NALCN: variants seen among roughly 807,000 people sequenced by gnomAD.
NALCN encodes the protein sodium leak channel, non-selective.
In NALCN, 111 loss-of-function variants were observed where a neutral mutation model predicts 225.3. The observed-to-expected ratio is 0.49, with a 90% CI of 0.42 to 0.58. The LOEUF (loss-of-function observed/expected upper bound fraction) is 0.58, where lower values mean the gene tolerates loss of function less well. Ranked by LOEUF, NALCN falls within the 20% of genes least tolerant of loss-of-function variation. NALCN has a pLI of 0.00. For synonymous variants in NALCN, 764 were observed against 769.0 expected (o/e 0.99, Z 0.11); for missense variants, 1,378 against 2,202.4 (o/e 0.63, Z 7.49).
At chr13:101,216,272 C>T (rs1388122967) in intron 13 of NALCN, among the ~76,000 whole-genome samples, 1 of 151,992 alleles carries the variant, frequency 6.6e-6, no homozygotes, top group African/African-American at 2.4e-5. Flanking sequence ...AGAAATAGTA[C>T]AGAATGAGAC....
chr13:101,325,655 G>A (rs1299236439), intron 7 of NALCN, among the ~76,000 whole-genome samples: 3 of 152,074 alleles, frequency 2.0e-5, no homozygotes, highest in Admixed American at 2.0e-4. Flanking sequence ...CTTTCTTACG[G>A]CTGATATCCG....
chr13:101,182,904 A>G (rs777126673), intron 14 of NALCN, among the ~76,000 whole-genome samples: 4 of 152,244 alleles, frequency 2.6e-5, no homozygotes, highest in Non-Finnish European at 5.9e-5. Flanking sequence ...AAGTGAAGGA[A>G]GAATGGCAGC....
chr13:101,111,083 CT>C (rs1361452974), intron 19 of NALCN, 41 bp downstream of exon 19: 2 of 1,575,400 alleles, frequency 1.3e-6, no homozygotes, highest in Non-Finnish European at 8.7e-7. Context: ...TAAAACCCCC[CT>C]TTTTTAGAGT....
In NALCN at chr13:101,089,579, G is replaced by A. The variant is rs2034111658; in HGVS notation, c.3489+84C>T. Reference sequence around the variant, plus strand: ...ACATTACAGTTTAAAGCGGCTTCACGCCGCGTGTGAAAAGAAACAAATAGC... The same window carrying A: ...ACATTACAGTTTAAAGCGGCTTCACACCGCGTGTGAAAAGAAACAAATAGC... On this transcript the variant is annotated intron_variant, in intron 30 of 43. Transcript: ENST00000251127. This position sits in a 1 kb window ranked among gnomAD's most constrained non-coding sequence, Gnocchi z 4.7. The A allele has an allele frequency of 8.1e-7, 1 of 1,227,176 alleles. No individual in the cohort carries two copies. The highest frequency in any genetic ancestry group is 1.2e-6 in the Non-Finnish European group (1 of 851,668). 76.0% of individuals were successfully genotyped at this position (1,227,176 alleles called of 1,614,324 possible).
chr13:101,143,269 G>C, intron 16 of NALCN, 48 bp from the exon 17 acceptor site: 1 of 1,526,214 alleles, frequency 6.6e-7, no homozygotes, highest in Non-Finnish European at 8.8e-7. Flanking sequence ...GTGGAAGGGA[G>C]CAAGTGACAG....
At chr13:101,327,141 G>A (rs1053903769) in intron 7 of NALCN, among the ~76,000 whole-genome samples, 1 of 152,152 alleles carries the variant, frequency 6.6e-6, no homozygotes, top group African/African-American at 2.4e-5. Context: ...TATGTGTCCA[G>A]AGAAGCGACG....
rs535953506 is a variant in NALCN at position 101,224,688 on chromosome 13, G to A, written c.1626+4705C>T. On this transcript the variant is annotated intron_variant, in intron 13 of 43. Transcript: ENST00000251127. ...AGGAGCTTCCTTTTTTGAGAGAGCC[G>A]ACACCCTGTTCAGAGATTATTTCAC... Among the ~76,000 whole-genome samples the A allele has an allele frequency of 2.9e-3, 447 of 151,974 alleles. 3 individuals carry two copies. Among genetic ancestry groups the A allele is most frequent in the African/African-American group, 8.9e-3 (367 of 41,426 alleles).
Position 101,055,362 on chromosome 13 carries a change from T to TTAAC in NALCN, c.5146_5149dup (p.Lys1717SerfsTer2), listed in dbSNP as rs2031083347. 6.2e-7 allele frequency: 1 copy of TTAAC among 1,614,020 alleles called. No homozygotes were observed. The highest frequency in any genetic ancestry group is 8.5e-7 in the Non-Finnish European group (1 of 1,180,028). On this transcript the variant is annotated stop_gained and frameshift_variant, in exon 44 of 44. Coordinates refer to ENST00000251127, the MANE Select transcript of NALCN (RefSeq NM_052867.4). LOFTEE classifies it high-confidence loss of function. The stretch of plus-strand genomic sequence containing the variant: ...AGTCAGCTGCCGGGTCCACCACTTC[T>TTAAC]TAACTTCAGAACCGCAGGAAGCCGC...
At position 101,160,200 on chromosome 13, in the gene NALCN, C is replaced by T. The variant is rs536183683; in HGVS notation, c.1840-15304G>A. 2.4e-4 allele frequency among the ~76,000 whole-genome samples: 36 copies of T among 152,198 alleles called. 1 individual carries two copies. Among genetic ancestry groups the T allele is most frequent in the African/African-American group, 6.5e-4 (27 of 41,524 alleles). On this transcript the variant is annotated intron_variant, in intron 15 of 43. Transcript: ENST00000251127. Reference sequence around the variant, plus strand: ...CGATCTCCTGACCTTGTGATCTGCCCGCCTTGGCCTCCCAAAGGAGAGAGA... The same window carrying T: ...CGATCTCCTGACCTTGTGATCTGCCTGCCTTGGCCTCCCAAAGGAGAGAGA...
chr13:101,225,659 T>C (rs577066817), intron 13 of NALCN, among the ~76,000 whole-genome samples: 4 of 152,344 alleles, frequency 2.6e-5, no homozygotes, highest in African/African-American at 9.6e-5. Context: ...AAAGGGGGTC[T>C]CTGCCTCTCA....
intron 6 of NALCN, among the ~76,000 whole-genome samples, chr13:101,364,369 TAC>T (rs1359575281): frequency 6.6e-6 from 1 of 152,038 alleles, no homozygotes; most frequent in Admixed American, 6.6e-5. Context: ...TATGTATATA[TAC>T]ACACACACAG....
chr13:101,218,260 G>A (rs1362812630), intron 13 of NALCN, among the ~76,000 whole-genome samples: 2 of 152,146 alleles, frequency 1.3e-5, no homozygotes, highest in Non-Finnish European at 2.9e-5. Flanking sequence ...CATGGAGAAG[G>A]TCACTGTATG....
At chr13:101,397,094 A>AT (rs2047323242) in intron 2 of NALCN, among the ~76,000 whole-genome samples, 1 of 69,056 alleles carries the variant, frequency 1.4e-5, no homozygotes, top group Admixed American at 1.5e-4. Flanking sequence ...ATATATATAT[A>AT]TATATATATA....
chr13:101,299,929 T>C (rs1235359555), intron 7 of NALCN, among the ~76,000 whole-genome samples: 3 of 152,130 alleles, frequency 2.0e-5, no homozygotes, highest in East Asian at 3.9e-4. Flanking sequence ...ATCTCAGCAC[T>C]TTCTTCTTAA....
At chr13:101,307,218 G>A (rs576507964) in intron 7 of NALCN, among the ~76,000 whole-genome samples, 29 of 152,272 alleles carry the variant, frequency 1.9e-4, no homozygotes, top group Admixed American at 3.3e-4. Flanking sequence ...TGAGCAGAGC[G>A]ATGGTGGTCT....
At chr13:101,154,150 C>A (rs560684851) in intron 15 of NALCN, among the ~76,000 whole-genome samples, 2 of 152,282 alleles carry the variant, frequency 1.3e-5, no homozygotes, top group East Asian at 3.9e-4. Context: ...AATTAGCTCC[C>A]TGATGTCGGT....
At chr13:101,321,117 A>G (rs540403724) in intron 7 of NALCN, among the ~76,000 whole-genome samples, 3 of 152,294 alleles carry the variant, frequency 2.0e-5, no homozygotes, top group Admixed American at 2.0e-4. Context: ...TATTTAGAAC[A>G]TGGCTTCTGT....
chr13:101,215,666 C>A (rs2140092756), intron 13 of NALCN, among the ~76,000 whole-genome samples: 1 of 145,976 alleles, frequency 6.9e-6, no homozygotes, highest in African/African-American at 2.5e-5. Flanking sequence ...CAGCACTTCA[C>A]AACATGGAGG....
intron 13 of NALCN, among the ~76,000 whole-genome samples, chr13:101,206,717 A>T (rs2140059444): frequency 7.0e-6 from 1 of 143,848 alleles, no homozygotes; most frequent in African/African-American, 2.5e-5. Context: ...TTCAAACAAC[A>T]GGTTTTTTAA....
Sources: allele counts gnomAD v4.1 joint callset (sites outside exome capture counted in the v4.1 genomes callset), GRCh38; gene constraint gnomAD v4.1.1; non-coding constraint Gnocchi (gnomAD v3.1); transcripts MANE v1.5; gene names NCBI Gene and HGNC (gene_info 2026-07-23, HGNC 2026-07-21).